Variants in THSD7B observed in about 807,000 individuals in gnomAD.
The protein encoded by THSD7B is thrombospondin type 1 domain containing 7B, also known as thrombospondin type-1 domain-containing protein 7B.
Under a neutral mutation model 213.6 loss-of-function variants are expected in THSD7B, and 138 were observed. The observed-to-expected ratio is 0.65, with a 90% CI of 0.56 to 0.74. THSD7B has a LOEUF of 0.74. THSD7B is among the 30% of genes least tolerant of loss of function. THSD7B has a pLI of 0.00. For missense variants in THSD7B, 1,931 were observed against 1,991.5 expected (o/e 0.97, Z 0.58); for synonymous variants, 742 against 687.0 (o/e 1.08, Z -1.25).
At chr2:137,119,609 A>G (rs1266490092) in intron 5 of THSD7B, among the ~76,000 whole-genome samples, 1 of 152,196 alleles carries the variant, frequency 6.6e-6, no homozygotes, top group East Asian at 1.9e-4. Context: ...AGCTCAGGGT[A>G]AAAGAAAGTT....
At chr2:136,799,336 T>TA (rs1175885990) in intron 1 of THSD7B, among the ~76,000 whole-genome samples, 2 of 151,852 alleles carry the variant, frequency 1.3e-5, no homozygotes, top group African/African-American at 2.4e-5. Flanking sequence ...TTTCACAAAA[T>TA]AAAAAAAATT....
chr2:137,343,534 G>A (rs896600614), intron 12 of THSD7B, among the ~76,000 whole-genome samples: 6 of 151,670 alleles, frequency 4.0e-5, no homozygotes, highest in South Asian at 2.1e-4. Flanking sequence ...TTTCAACATA[G>A]GCATTATTGG....
chr2:137,272,557 G>T lies in THSD7B; in HGVS notation c.2291G>T (p.Arg764Leu), dbSNP rs1417352861. The T allele has an allele frequency of 6.2e-7, 1 of 1,610,658 alleles. No individual in the cohort carries two copies. The highest frequency in any genetic ancestry group is 8.5e-7 in the Non-Finnish European group (1 of 1,178,578). ...QAGNATVKQS[R>L]YRIIIQEAAN... ...GGAAATGCCACAGTAAAACAGTCTC[G>T]ATACAGAATCATCATCCAAGAAGCA... Residue 764 changes from arginine to leucine, a missense_variant, in exon 11 of 28, where the codon CGA becomes CTA. Arg to Leu is a moderately radical substitution (Grantham distance 102). Transcript: ENST00000409968.
intron 12 of THSD7B, among the ~76,000 whole-genome samples, chr2:137,376,102 C>G (rs190806403): frequency 6.6e-6 from 1 of 152,136 alleles, no homozygotes; most frequent in Admixed American, 6.6e-5. Flanking sequence ...TATCTTGAAT[C>G]TTTGCAGTTG....
chr2:137,138,790 A>G (rs1490305432), intron 5 of THSD7B, among the ~76,000 whole-genome samples: 2 of 152,200 alleles, frequency 1.3e-5, no homozygotes, highest in African/African-American at 4.8e-5. Flanking sequence ...AAAGTTTTGC[A>G]AATTTAAAGT....
At chr2:137,090,428 G>T (rs146291974) in intron 3 of THSD7B, among the ~76,000 whole-genome samples, 16 of 152,184 alleles carry the variant, frequency 1.1e-4, no homozygotes, top group African/African-American at 1.4e-4. Flanking sequence ...AAAAGTAGTG[G>T]TAAATGGAAT....
intron 2 of THSD7B, among the ~76,000 whole-genome samples, chr2:136,891,277 T>A (rs1683853915): frequency 6.6e-6 from 1 of 152,192 alleles, no homozygotes; most frequent in South Asian, 2.1e-4. Flanking sequence ...TTCTAATGTC[T>A]ATTAATTATT....
intron 12 of THSD7B, among the ~76,000 whole-genome samples, chr2:137,327,435 C>G (rs1684396877): frequency 6.6e-6 from 1 of 151,844 alleles, no homozygotes; most frequent in Non-Finnish European, 1.5e-5. Flanking sequence ...TCAATTATTC[C>G]AACCTCTGAC....
At chr2:137,448,915 A>T (rs542931392) in intron 14 of THSD7B, among the ~76,000 whole-genome samples, 1 of 152,172 alleles carries the variant, frequency 6.6e-6, no homozygotes, top group Non-Finnish European at 1.5e-5. Flanking sequence ...GAATGGACTT[A>T]GATTTTACAG....
intron 7 of THSD7B, among the ~76,000 whole-genome samples, chr2:137,202,249 A>G (rs1192204192): frequency 1.3e-5 from 2 of 152,162 alleles, no homozygotes; most frequent in Non-Finnish European, 2.9e-5. Flanking sequence ...AGATATCCAC[A>G]TCAAATCCCT....
Position 137,246,765 on chromosome 2 carries a change from CT to C in THSD7B, c.2266+4205del, listed in dbSNP as rs70978210. Among the ~76,000 whole-genome samples, 923 of 145,504 alleles carry C rather than the reference CT, an allele frequency of 6.3e-3. 1 individual carries two copies. The highest frequency in any genetic ancestry group is 7.6e-3 in the Admixed American group (110 of 14,508). ...ATTATCACGAACCATTTCCTTTGTA[CT>C]TTTTTTTTTTTGCTGTTTTCTTCTA... On this transcript the variant is annotated intron_variant, in intron 10 of 27. Coordinates refer to ENST00000409968, the MANE Select transcript of THSD7B (RefSeq NM_001316349.2).
intron 12 of THSD7B, among the ~76,000 whole-genome samples, chr2:137,404,472 T>TACACACAC (rs1274761285): frequency 4.6e-4 from 26 of 56,786 alleles, no homozygotes; most frequent in African/African-American, 2.1e-3. Flanking sequence ...TATATATATA[T>TACACACAC]ATACACACAC....
At chr2:136,848,513 T>A (rs537599100) in intron 1 of THSD7B, among the ~76,000 whole-genome samples, 1 of 152,280 alleles carries the variant, frequency 6.6e-6, no homozygotes, top group South Asian at 2.1e-4. Flanking sequence ...GATGCTAAAT[T>A]AAGTGTGTAA....
chr2:136,994,328 AG>A (rs1329959836), intron 2 of THSD7B, among the ~76,000 whole-genome samples: 2 of 152,152 alleles, frequency 1.3e-5, no homozygotes, highest in African/African-American at 4.8e-5. Context: ...GCAGTTTGGG[AG>A]GCTGAGGTGG....
chr2:137,308,818 C>T (rs1683819852), intron 12 of THSD7B, among the ~76,000 whole-genome samples: 1 of 152,112 alleles, frequency 6.6e-6, no homozygotes. Flanking sequence ...TACTGACACA[C>T]AACTGTTTTT....
At chr2:136,931,988 A>G (rs1573717766) in intron 2 of THSD7B, among the ~76,000 whole-genome samples, 1 of 152,348 alleles carries the variant, frequency 6.6e-6, no homozygotes, top group African/African-American at 2.4e-5. Flanking sequence ...TGGACCTAAC[A>G]TTTAAAAAAT....
At chr2:137,495,771 G>C (rs958349028) in intron 15 of THSD7B, among the ~76,000 whole-genome samples, 1 of 152,044 alleles carries the variant, frequency 6.6e-6, no homozygotes, top group Non-Finnish European at 1.5e-5. Flanking sequence ...TCAAAACAAG[G>C]TAGTTCTGCT....
intron 7 of THSD7B, among the ~76,000 whole-genome samples, chr2:137,203,051 C>CAGAT (rs10644598): frequency 0.59 from 89,420 of 151,250 alleles, 26,753 homozygotes; most frequent in South Asian, 0.71. Context: ...GATGGATAAA[C>CAGAT]AGTATTTTGT....
At chr2:137,583,962 A>C (rs1349859096) in intron 17 of THSD7B, among the ~76,000 whole-genome samples, 1 of 152,136 alleles carries the variant, frequency 6.6e-6, no homozygotes, top group African/African-American at 2.4e-5. Context: ...GATTCTTCCT[A>C]TCCATGAGCA....
Sources: allele counts gnomAD v4.1 joint callset (sites outside exome capture counted in the v4.1 genomes callset), GRCh38; gene constraint gnomAD v4.1.1; transcripts MANE v1.5; gene names NCBI Gene and HGNC (gene_info 2026-07-23, HGNC 2026-07-21).